COL21A1: variants seen among roughly 807,000 people sequenced by gnomAD.
The protein encoded by COL21A1 is collagen alpha-1(XXI) chain.
A neutral mutation model predicts 137.9 loss-of-function variants in COL21A1; 149 were observed. That is an observed-to-expected ratio of 1.08 (90% CI 0.95 to 1.24). The LOEUF (loss-of-function observed/expected upper bound fraction) is 1.24. COL21A1 is among the 50% of genes most tolerant of loss of function. COL21A1 has a pLI of 0.00. For synonymous variants in COL21A1, 456 were observed against 391.5 expected (o/e 1.16, Z -1.95); for missense variants, 1,167 against 1,158.4 (o/e 1.01, Z -0.11).
intron 1 of COL21A1, among the ~76,000 whole-genome samples, chr6:56,230,796 T>A (rs1781512374): frequency 1.3e-5 from 2 of 151,960 alleles, no homozygotes; most frequent in Admixed American, 1.3e-4. Context: ...TGTACATGTT[T>A]ATGGGAAACA....
At chr6:56,373,892 C>T (rs2093994469) in intron 1 of COL21A1, among the ~76,000 whole-genome samples, 2 of 152,172 alleles carry the variant, frequency 1.3e-5, no homozygotes, top group Admixed American at 1.3e-4. Flanking sequence ...AACATCTCCT[C>T]GTAAACAGGC....
At chr6:56,365,938 A>T (rs1348272136) in intron 1 of COL21A1, among the ~76,000 whole-genome samples, 1 of 152,216 alleles carries the variant, frequency 6.6e-6, no homozygotes, top group East Asian at 1.9e-4. Context: ...CTAATCCCTA[A>T]AAAAGAATAA....
intron 1 of COL21A1, among the ~76,000 whole-genome samples, chr6:56,193,007 T>G (rs1778794584): frequency 6.6e-6 from 1 of 152,192 alleles, no homozygotes; most frequent in Non-Finnish European, 1.5e-5. Context: ...TGAGTTCACG[T>G]CCTTTGCAGG....
intron 12 of COL21A1, among the ~76,000 whole-genome samples, chr6:56,128,721 C>T (rs899913318): frequency 6.6e-6 from 1 of 152,096 alleles, no homozygotes; most frequent in Non-Finnish European, 1.5e-5. Flanking sequence ...GTGGTGTGAT[C>T]GCGGCTCACT....
intron 3 of COL21A1, among the ~76,000 whole-genome samples, chr6:56,173,186 TACAAAA>T (rs953266352): frequency 1.3e-5 from 2 of 151,872 alleles, no homozygotes; most frequent in Admixed American, 1.3e-4. Flanking sequence ...ACCCCATCTC[TACAAAA>T]ACAAAAACAA....
At chr6:56,110,610 T>G (rs1032239392) in intron 16 of COL21A1, among the ~76,000 whole-genome samples, 18 of 152,082 alleles carry the variant, frequency 1.2e-4, no homozygotes, top group Admixed American at 1.2e-3. Flanking sequence ...CAAAAAAAGT[T>G]GCAGGAACTA....
chr6:56,381,776 A>G (rs1054036514), intron 1 of COL21A1, among the ~76,000 whole-genome samples: 2 of 152,176 alleles, frequency 1.3e-5, no homozygotes, highest in Non-Finnish European at 2.9e-5. Context: ...ATCAGCTAAG[A>G]TTGTCCACAG....
At chr6:56,291,772 G>C (rs569039546) in intron 1 of COL21A1, among the ~76,000 whole-genome samples, 1 of 152,190 alleles carries the variant, frequency 6.6e-6, no homozygotes, top group African/African-American at 2.4e-5. Flanking sequence ...GTTATCTCCT[G>C]TTAGTCAGTA....
At chr6:56,388,442 C>A (rs1029821830) in intron 1 of COL21A1, among the ~76,000 whole-genome samples, 3 of 152,202 alleles carry the variant, frequency 2.0e-5, no homozygotes, top group Admixed American at 2.0e-4. Context: ...GAGAAAAAAG[C>A]AAGAGACTTT....
chr6:56,127,154 C>T, intron 12 of COL21A1, among the ~76,000 whole-genome samples: 1 of 152,164 alleles, frequency 6.6e-6, no homozygotes, highest in East Asian at 1.9e-4. Flanking sequence ...CATCCAACAC[C>T]TCCTCCCCAT....
At chr6:56,104,028 A>G (rs1770671336) in intron 16 of COL21A1, among the ~76,000 whole-genome samples, 1 of 152,212 alleles carries the variant, frequency 6.6e-6, no homozygotes, top group African/African-American at 2.4e-5. Context: ...ATAACATTAT[A>G]TAGCTTTTCA....
At chr6:56,139,358 C>A (rs1173412307) in intron 12 of COL21A1, among the ~76,000 whole-genome samples, 1 of 152,078 alleles carries the variant, frequency 6.6e-6, no homozygotes, top group Non-Finnish European at 1.5e-5. Flanking sequence ...ATGATAAAAA[C>A]CAGGTTTAAA....
In COL21A1 at chr6:56,171,091, AC is replaced by A. The variant is rs1256690568; in HGVS notation, c.677del (p.Arg226LeufsTer10). On this transcript the variant is annotated frameshift_variant, in exon 4 of 30. Transcript: ENST00000244728. LOFTEE classifies it high-confidence loss of function. ...VCPTRIPVAA[R>X]DERGFDILLG... ...AAAGAATATCAAATCCCCTTTCATC[AC>A]GAGCTGCCACTGGAATTCGTGTTGG... 1 of 1,606,584 alleles carries A rather than the reference AC, an allele frequency of 6.2e-7. No individual in the cohort carries two copies. Among genetic ancestry groups the A allele is most frequent in the African/African-American group, 1.3e-5 (1 of 74,486 alleles).
At chr6:56,068,854 C>T in intron 22 of COL21A1, 192 bp downstream of exon 22, 1 of 488,466 alleles carries the variant, frequency 2.0e-6, no homozygotes, top group Non-Finnish European at 3.6e-6. Context: ...GAGACAATAC[C>T]CATGTGGGTA....
At position 56,060,724 on chromosome 6, in the gene COL21A1, C is replaced by A; in HGVS notation, c.2407+17G>T. The A allele has an allele frequency of 6.3e-7, 1 of 1,578,870 alleles. No individual in the cohort carries two copies. The highest frequency in any genetic ancestry group is 8.6e-7 in the Non-Finnish European group (1 of 1,165,156). On this transcript the variant is annotated intron_variant, in intron 27 of 29. Transcript: ENST00000244728. ...TAATTTGAGAAAAGTTATTAAAATGCTATATTTGATACCTACCTCTTATTA... is the reference window on the plus strand; with the variant it reads ...TAATTTGAGAAAAGTTATTAAAATGATATATTTGATACCTACCTCTTATTA...
Position 56,170,678 on chromosome 6 carries a change from C to G in COL21A1, c.997G>C (p.Val333Leu). ...TTTSVINGSQVVTFANPQVKT... is the reference protein window; with the variant it reads ...TTTSVINGSQLVTFANPQVKT... Reference sequence around the variant, plus strand: ...ACTTGAGGGTTAGCAAAGGTAACCACTTGTGAGCCATTAATTACGCTGGTT... The same window carrying G: ...ACTTGAGGGTTAGCAAAGGTAACCAGTTGTGAGCCATTAATTACGCTGGTT... The change falls in exon 5 of 30, where the codon GTG (valine) becomes CTG (leucine). Residue 333 changes from valine to leucine, a missense_variant. Physicochemically the swap from Val to Leu is conservative, Grantham distance 32. Coordinates refer to ENST00000244728, the MANE Select transcript of COL21A1 (RefSeq NM_030820.4). 1 of 1,600,754 alleles carries G rather than the reference C, an allele frequency of 6.2e-7. No homozygotes were observed. Among genetic ancestry groups the G allele is most frequent in the Middle Eastern group, 1.7e-4 (1 of 6,036 alleles).
intron 1 of COL21A1, among the ~76,000 whole-genome samples, chr6:56,233,628 G>C (rs944093466): frequency 1.3e-5 from 2 of 151,310 alleles, no homozygotes; most frequent in African/African-American, 4.8e-5. Flanking sequence ...AAACTAAAAA[G>C]AGACATATGG....
At chr6:56,073,345 C>G (rs769344093) in intron 20 of COL21A1, among the ~76,000 whole-genome samples, 12 of 151,456 alleles carry the variant, frequency 7.9e-5, no homozygotes, top group Non-Finnish European at 1.2e-4. Flanking sequence ...CAAGGGTCTA[C>G]CACTGATGGA....
rs868712352 is a variant in COL21A1, at chr6:56,097,864, A to T, written c.1812+3608T>A. Among the ~76,000 whole-genome samples, 57 of 29,912 alleles carry T rather than the reference A, an allele frequency of 1.9e-3. 10 individuals are homozygous for T. The highest frequency in any genetic ancestry group is 3.2e-3 in the African/African-American group (27 of 8,368). The allele number at this position is 29,912 out of a possible 152,430, so 19.6% of individuals were successfully genotyped here. On this transcript the variant is annotated intron_variant, in intron 17 of 29. Transcript: ENST00000244728. Reference sequence around the variant, plus strand: ...ATATATAAATATATATAAATATATAAAAATATCTATAAATATATAAATATA... The same window carrying T: ...ATATATAAATATATATAAATATATATAAATATCTATAAATATATAAATATA...
Sources: allele counts gnomAD v4.1 joint callset (sites outside exome capture counted in the v4.1 genomes callset), GRCh38; gene constraint gnomAD v4.1.1; transcripts MANE v1.5; gene names NCBI Gene and HGNC (gene_info 2026-07-23, HGNC 2026-07-21).